CAMTA1: variants seen among roughly 807,000 people sequenced by gnomAD.
The protein encoded by CAMTA1 is calmodulin binding transcription activator 1, also known as calmodulin-binding transcription activator 1.
In CAMTA1, 27 loss-of-function variants were observed where a neutral mutation model predicts 170.9. That is an observed-to-expected ratio of 0.16 (90% CI 0.12 to 0.22). The LOEUF is 0.22. CAMTA1 is among the 10% of genes least tolerant of loss of function. The pLI, the probability that CAMTA1 is intolerant of heterozygous loss-of-function variation, is 1.00. For synonymous variants in CAMTA1, 833 were observed against 891.5 expected, an observed-to-expected ratio of 0.93 and a Z score of 1.17; for missense variants, 1,619 against 2,217.2, an observed-to-expected ratio of 0.73 and a Z score of 5.42.
chr1:6,911,561 T>C (rs1299027189), intron 3 of CAMTA1, among the ~76,000 whole-genome samples: 1 of 152,200 alleles, frequency 6.6e-6, no homozygotes, highest in African/African-American at 2.4e-5. Flanking sequence ...TTGAGCCATC[T>C]CTGTAAATGA....
In CAMTA1 at chr1:7,561,772, T is replaced by C. The variant is rs2094960162; in HGVS notation, c.511-78628T>C. Among the ~76,000 whole-genome samples the C allele has an allele frequency of 6.6e-6, 1 of 151,910 alleles. No homozygotes were observed. Among genetic ancestry groups the C allele is most frequent in the Admixed American group, 6.6e-5 (1 of 15,262 alleles). On this transcript the variant is annotated intron_variant, in intron 6 of 22. Transcript: ENST00000303635. The surrounding 1 kb of genome is among the most constrained non-coding windows in gnomAD (Gnocchi z 5.3). ...CACCCCTCCCCAGCCCAACAGGCCA[T>C]GGTGTTAGCCTCTCCACGCTACCTC...
rs1469082770 is a variant in CAMTA1, at chr1:7,259,511, T to C, written c.438+9885T>C. The stretch of plus-strand genomic sequence containing the variant: ...AGCCCCAGGTGGTTCACACACACTT[T>C]AATTTGGAAAGGATTGGGACACGCC... On this transcript the variant is annotated intron_variant, in intron 5 of 22. Coordinates refer to ENST00000303635, the MANE Select transcript of CAMTA1 (RefSeq NM_015215.4). 2.0e-5 allele frequency among the ~76,000 whole-genome samples: 3 copies of C among 152,330 alleles called. 1 individual carries two copies. Among genetic ancestry groups the C allele is most frequent in the South Asian group, 4.1e-4 (2 of 4,832 alleles).
intron 11 of CAMTA1, among the ~76,000 whole-genome samples, chr1:7,713,228 A>G (rs2096584791): frequency 6.6e-6 from 1 of 152,226 alleles, no homozygotes; most frequent in Non-Finnish European, 1.5e-5. Flanking sequence ...TCTGGTTGGC[A>G]TGCACCATTC....
In CAMTA1 at chr1:7,095,616, C is replaced by T. The variant is rs924295992; in HGVS notation, c.302+4245C>T. On this transcript the variant is annotated intron_variant, in intron 4 of 22. Coordinates refer to ENST00000303635, the MANE Select transcript of CAMTA1 (RefSeq NM_015215.4). ...GTTCCCAGGGAGCCCGTCAATAGCT[C>T]CTCTATTCCTCTCCGCCTCTCACTG... Among the ~76,000 whole-genome samples the T allele has an allele frequency of 1.1e-4, 17 of 152,350 alleles. No homozygotes were observed. In the East Asian group the frequency reaches 2.9e-3, roughly 26 times the overall value.
intron 4 of CAMTA1, among the ~76,000 whole-genome samples, chr1:7,108,842 C>T (rs1484723315): frequency 6.6e-6 from 1 of 152,160 alleles, no homozygotes; most frequent in Non-Finnish European, 1.5e-5. Context: ...GTCAGGAATC[C>T]AGGACAACTT....
intron 1 of CAMTA1, among the ~76,000 whole-genome samples, chr1:6,812,859 T>G (rs1305373501): frequency 6.6e-6 from 1 of 152,232 alleles, no homozygotes; most frequent in Non-Finnish European, 1.5e-5. Flanking sequence ...GAACTTGAAC[T>G]GTTTTGTAGT....
At chr1:7,383,653 G>C (rs2087598868) in intron 5 of CAMTA1, among the ~76,000 whole-genome samples, 1 of 152,144 alleles carries the variant, frequency 6.6e-6, no homozygotes. Flanking sequence ...TGAGGTGATG[G>C]TGGTGATCAT....
chr1:7,526,184 C>T (rs531406984), intron 6 of CAMTA1, among the ~76,000 whole-genome samples: 41 of 152,126 alleles, frequency 2.7e-4, no homozygotes, highest in South Asian at 6.2e-4. Flanking sequence ...ATAAGCAGGA[C>T]AGAAGCACGG....
chr1:7,190,056 C>G (rs1654221975), intron 4 of CAMTA1, among the ~76,000 whole-genome samples: 1 of 152,192 alleles, frequency 6.6e-6, no homozygotes, highest in Non-Finnish European at 1.5e-5. Context: ...ATCGTATGTT[C>G]TCACTGATGA....
chr1:7,303,075 G>A (rs1388318763), intron 5 of CAMTA1, among the ~76,000 whole-genome samples: 2 of 152,148 alleles, frequency 1.3e-5, no homozygotes, highest in Non-Finnish European at 2.9e-5. Flanking sequence ...GTGCTGCTGG[G>A]AGCATTATAT....
At chr1:7,149,698 C>T (rs946004756) in intron 4 of CAMTA1, among the ~76,000 whole-genome samples, 4 of 152,168 alleles carry the variant, frequency 2.6e-5, no homozygotes, top group South Asian at 4.1e-4. Flanking sequence ...CAAGCACGGC[C>T]GTCCCTGAGT....
intron 1 of CAMTA1, 93 bp downstream of exon 1, chr1:6,785,668 G>C: frequency 2.2e-6 from 1 of 444,526 alleles, no homozygotes; most frequent in South Asian, 8.9e-5. Context: ...GCGCCGGGCG[G>C]GAGCGCGGGG....
chr1:6,938,372 C>T (rs1469490992), intron 3 of CAMTA1, among the ~76,000 whole-genome samples: 4 of 152,110 alleles, frequency 2.6e-5, no homozygotes, highest in African/African-American at 9.7e-5. Context: ...GGAGGAGGCG[C>T]TGCAGAGAGC....
rs985244131 is a variant in CAMTA1 at position 6,910,056 on chromosome 1, A to C, written c.234+84846A>C. Among the ~76,000 whole-genome samples, 5 of 152,232 alleles carry C rather than the reference A, an allele frequency of 3.3e-5. No individual in the cohort carries two copies. The South Asian group carries it at 1.0e-3, about 32-fold the overall frequency. ...AATGTGCCATTGTGGAATTTGCAGCAATCCTTGTTTGCTTTTGGCTTTATC... is the reference window on the plus strand; with the variant it reads ...AATGTGCCATTGTGGAATTTGCAGCCATCCTTGTTTGCTTTTGGCTTTATC... On this transcript the variant is annotated intron_variant, in intron 3 of 22. Coordinates refer to ENST00000303635, the MANE Select transcript of CAMTA1 (RefSeq NM_015215.4).
chr1:7,180,582 C>T (rs892996141), intron 4 of CAMTA1, among the ~76,000 whole-genome samples: 17 of 129,506 alleles, frequency 1.3e-4, no homozygotes, highest in East Asian at 1.2e-3. Flanking sequence ...GGTGTAATAA[C>T]GGCTCACTGC....
At chr1:7,134,740 A>G (rs1645448651) in intron 4 of CAMTA1, among the ~76,000 whole-genome samples, 2 of 152,204 alleles carry the variant, frequency 1.3e-5, no homozygotes, top group African/African-American at 4.8e-5. Context: ...ATTCTATCAA[A>G]AAGACACATG....
intron 1 of CAMTA1, among the ~76,000 whole-genome samples, chr1:6,810,673 C>T (rs1186379087): frequency 3.9e-5 from 6 of 152,030 alleles, no homozygotes; most frequent in Admixed American, 6.6e-5. Context: ...GGCGTGGTGG[C>T]GGACACCTGC....
At chr1:7,566,218 G>C (rs1045593689) in intron 6 of CAMTA1, among the ~76,000 whole-genome samples, 4 of 152,168 alleles carry the variant, frequency 2.6e-5, no homozygotes, top group Non-Finnish European at 5.9e-5. Context: ...CTGGGCCCCT[G>C]GGTGACCCCC....
chr1:7,073,091 G>A (rs1372163842), intron 3 of CAMTA1, among the ~76,000 whole-genome samples: 1 of 152,196 alleles, frequency 6.6e-6, no homozygotes, highest in African/African-American at 2.4e-5. Context: ...TAAGATGGGA[G>A]AAGTGTTGGA....
Sources: allele counts gnomAD v4.1 joint callset (sites outside exome capture counted in the v4.1 genomes callset), GRCh38; gene constraint gnomAD v4.1.1; non-coding constraint Gnocchi (gnomAD v3.1); transcripts MANE v1.5; gene names NCBI Gene and HGNC (gene_info 2026-07-23, HGNC 2026-07-21).